EPAS1: variants seen among roughly 807,000 people sequenced by gnomAD.
EPAS1 encodes the protein endothelial PAS domain-containing protein 1.
In EPAS1, 23 loss-of-function variants were observed where a neutral mutation model predicts 87.9. That is an observed-to-expected ratio of 0.26 (90% CI 0.19 to 0.37). The LOEUF (loss-of-function observed/expected upper bound fraction) is 0.37, where lower values mean the gene tolerates loss of function less well. EPAS1 is among the 10% of genes least tolerant of loss of function. The probability of loss-of-function intolerance (pLI) is 1.00; values close to 1 mark genes in which losing one functional copy is unlikely to be tolerated. For missense variants in EPAS1, 1,138 were observed against 1,120.7 expected, an observed-to-expected ratio of 1.02 and a Z score of -0.22; for synonymous variants, 508 against 444.3, an observed-to-expected ratio of 1.14 and a Z score of -1.80.
At chr2:46,335,136 TC>T (rs1221280194) in intron 1 of EPAS1, among the ~76,000 whole-genome samples, 1 of 152,156 alleles carries the variant, frequency 6.6e-6, no homozygotes, top group Admixed American at 6.5e-5. Flanking sequence ...CCGTGCTTTC[TC>T]CCCCTTCTCT....
Position 46,347,159 on chromosome 2 carries a change from C to T in EPAS1, c.217+96C>T, listed in dbSNP as rs1684048030. 1 of 1,377,212 alleles carries T rather than the reference C, an allele frequency of 7.3e-7. No homozygotes were observed. Among genetic ancestry groups the T allele is most frequent in the African/African-American group, 1.4e-5 (1 of 70,360 alleles). The allele number at this position is 1,377,212 out of a possible 1,614,324, so 85.3% of individuals were successfully genotyped here. The stretch of plus-strand genomic sequence containing the variant: ...CCTTCTGCTGCCAGAGCTGGAAAGT[C>T]ACCCCACTACAGAACTTTCACCCAC... On this transcript the variant is annotated intron_variant, in intron 2 of 15. Coordinates refer to ENST00000263734, the MANE Select transcript of EPAS1 (RefSeq NM_001430.5). This position sits in a 1 kb window ranked among gnomAD's most constrained non-coding sequence, Gnocchi z 4.2.
At chr2:46,329,209 A>G (rs1683622676) in intron 1 of EPAS1, among the ~76,000 whole-genome samples, 1 of 152,180 alleles carries the variant, frequency 6.6e-6, no homozygotes, top group Non-Finnish European at 1.5e-5. Context: ...GTGAAGCGCT[A>G]GGATTGGTTA....
At chr2:46,314,089 C>G (rs1197150855) in intron 1 of EPAS1, among the ~76,000 whole-genome samples, 1 of 152,194 alleles carries the variant, frequency 6.6e-6, no homozygotes, top group East Asian at 1.9e-4. Flanking sequence ...GTGGCAGTGC[C>G]TACCTGAACA....
rs994846463 is a variant in EPAS1 at position 46,345,090 on chromosome 2, T to C, written c.27-1783T>C. On this transcript the variant is annotated intron_variant, in intron 1 of 15. Coordinates refer to ENST00000263734, the MANE Select transcript of EPAS1 (RefSeq NM_001430.5). ...CAGGACAGAACGAGCCAGCTAGAGCTGATTGGATTGAGGCCTTGAAACCTA... is the reference window on the plus strand; with the variant it reads ...CAGGACAGAACGAGCCAGCTAGAGCCGATTGGATTGAGGCCTTGAAACCTA... Among the ~76,000 whole-genome samples the C allele has an allele frequency of 5.9e-5, 9 of 152,310 alleles. 1 individual carries two copies. The highest frequency in any genetic ancestry group is 3.4e-3 in the Middle Eastern group (1 of 294).
At chr2:46,376,899 C>G in intron 9 of EPAS1, 146 bp downstream of exon 9, 1 of 813,138 alleles carries the variant, frequency 1.2e-6, no homozygotes, top group African/African-American at 1.7e-5. Flanking sequence ...TGTTAGAGGC[C>G]AGGCCCTGCT....
chr2:46,309,378 G>A (rs1411011877), intron 1 of EPAS1, among the ~76,000 whole-genome samples: 1 of 152,218 alleles, frequency 6.6e-6, no homozygotes, highest in Non-Finnish European at 1.5e-5. Context: ...GATGATTTAT[G>A]TTAATGGATG....
At chr2:46,329,709 C>T (rs559016878) in intron 1 of EPAS1, among the ~76,000 whole-genome samples, 1 of 152,146 alleles carries the variant, frequency 6.6e-6, no homozygotes, top group African/African-American at 2.4e-5. Flanking sequence ...GTAATCCCAG[C>T]TACTTGGGAG....
chr2:46,351,819 G>A (rs557271574), intron 2 of EPAS1, among the ~76,000 whole-genome samples: 35 of 152,298 alleles, frequency 2.3e-4, no homozygotes, highest in Admixed American at 8.5e-4. Flanking sequence ...GCACCGTGGG[G>A]CAGCCTGGTC....
At chr2:46,382,951 C>G (rs1684934877) in intron 15 of EPAS1, among the ~76,000 whole-genome samples, 1 of 152,142 alleles carries the variant, frequency 6.6e-6, no homozygotes, top group South Asian at 2.1e-4. Flanking sequence ...GACAGGAGCA[C>G]TTTCAGAAGA....
rs755585050 is a variant in EPAS1 at position 46,378,020 on chromosome 2, T to C, written c.1376T>C (p.Val459Ala). The C allele has an allele frequency of 6.2e-7, 1 of 1,602,884 alleles. No homozygotes were observed. Among genetic ancestry groups the C allele is most frequent in the East Asian group, 2.3e-5 (1 of 44,364 alleles). ...SEAGSLPAFTVPQAAAPGSTT... is the reference protein window; with the variant it reads ...SEAGSLPAFTAPQAAAPGSTT... ...GCTGGGAGCCTGCCTGCCTTCACCG[T>C]GCCCCAGGCAGCTGCCCCGGGCAGC... The change falls in exon 10 of 16, where the codon GTG becomes GCG. Residue 459 changes from valine to alanine, a missense_variant. Val to Ala is a moderately conservative substitution (Grantham distance 64). This residue lies in a region of EPAS1 where 284 missense variants were observed against 258.4 expected (regional missense o/e 1.10). Coordinates refer to ENST00000263734, the MANE Select transcript of EPAS1 (RefSeq NM_001430.5).
At chr2:46,322,980 G>A (rs573803695) in intron 1 of EPAS1, among the ~76,000 whole-genome samples, 4 of 152,360 alleles carry the variant, frequency 2.6e-5, no homozygotes, top group East Asian at 1.9e-4. Context: ...CTAAAATGGA[G>A]ACATTACCAA....
At chr2:46,365,654 A>G (rs1684485834) in intron 6 of EPAS1, among the ~76,000 whole-genome samples, 1 of 152,276 alleles carries the variant, frequency 6.6e-6, no homozygotes, top group African/African-American at 2.4e-5. Flanking sequence ...CTGGTTGTAT[A>G]GATTTCATAT....
chr2:46,381,434 C>A, intron 12 of EPAS1, 162 bp from the exon 13 acceptor site: 1 of 1,098,068 alleles, frequency 9.1e-7, no homozygotes, highest in East Asian at 2.5e-5. Context: ...AGAGCTCGAG[C>A]TCGGCCTGCA....
chr2:46,366,272 C>T (rs1684500529), intron 6 of EPAS1, among the ~76,000 whole-genome samples: 1 of 152,210 alleles, frequency 6.6e-6, no homozygotes, highest in Non-Finnish European at 1.5e-5. Context: ...GAGCACTCTG[C>T]TGTAGGTGGT....
At chr2:46,329,745 C>T (rs1683638279) in intron 1 of EPAS1, among the ~76,000 whole-genome samples, 1 of 152,124 alleles carries the variant, frequency 6.6e-6, no homozygotes, top group African/African-American at 2.4e-5. Flanking sequence ...TCGCTTGAAC[C>T]CGGGAGGCGG....
chr2:46,311,803 G>A (rs1683216317), intron 1 of EPAS1, among the ~76,000 whole-genome samples: 1 of 152,212 alleles, frequency 6.6e-6, no homozygotes, highest in Non-Finnish European at 1.5e-5. Context: ...CACACCTGAG[G>A]GTGGTGTGGT....
At chr2:46,343,858 A>T (rs1275408769) in intron 1 of EPAS1, among the ~76,000 whole-genome samples, 3 of 152,262 alleles carry the variant, frequency 2.0e-5, no homozygotes. Context: ...GGGTTGCTCT[A>T]GGCAAGTAAC....
intron 1 of EPAS1, among the ~76,000 whole-genome samples, chr2:46,318,060 A>T (rs943716966): frequency 1.3e-5 from 2 of 152,148 alleles, no homozygotes; most frequent in African/African-American, 2.4e-5. Flanking sequence ...TTAAAGTGAG[A>T]GATGTGACTC....
chr2:46,342,621 AG>A (rs1683934036), intron 1 of EPAS1, among the ~76,000 whole-genome samples: 1 of 152,218 alleles, frequency 6.6e-6, no homozygotes, highest in Admixed American at 6.5e-5. Flanking sequence ...TACTGGTGAC[AG>A]ACATCTTGGG....
Sources: allele counts gnomAD v4.1 joint callset (sites outside exome capture counted in the v4.1 genomes callset), GRCh38; gene constraint gnomAD v4.1.1; regional missense constraint gnomAD v4.1.1; non-coding constraint Gnocchi (gnomAD v3.1); transcripts MANE v1.5; gene names NCBI Gene and HGNC (gene_info 2026-07-23, HGNC 2026-07-21).